The following CNTNAP5 variants were observed in gnomAD, a reference collection of about 807,000 sequenced individuals.
CNTNAP5 encodes contactin-associated protein-like 5.
In CNTNAP5, 72 loss-of-function variants were observed where a neutral mutation model predicts 150.2. The observed-to-expected ratio is 0.48, with a 90% CI of 0.40 to 0.58. The LOEUF (loss-of-function observed/expected upper bound fraction) is 0.58. Among genes scored for constraint, CNTNAP5 ranks in the 20% least tolerant of loss-of-function variants. The pLI, the probability that CNTNAP5 is intolerant of heterozygous loss-of-function variation, is 0.00. For synonymous variants in CNTNAP5, 672 were observed against 619.8 expected (o/e 1.08, Z -1.25); for missense variants, 1,636 against 1,626.2 (o/e 1.01, Z -0.10).
At chr2:124,893,446 A>G (rs1678240618) in intron 21 of CNTNAP5, among the ~76,000 whole-genome samples, 1 of 152,160 alleles carries the variant, frequency 6.6e-6, no homozygotes, top group African/African-American at 2.4e-5. Flanking sequence ...TGGTAGTTCC[A>G]TGACCTTTAA....
At chr2:124,125,579 G>C (rs1683672884) in intron 1 of CNTNAP5, among the ~76,000 whole-genome samples, 1 of 152,130 alleles carries the variant, frequency 6.6e-6, no homozygotes, top group African/African-American at 2.4e-5. Flanking sequence ...GACATCTACA[G>C]AACTCTCCAC....
intron 13 of CNTNAP5, among the ~76,000 whole-genome samples, chr2:124,679,650 C>G (rs2105067121): frequency 6.6e-6 from 1 of 151,526 alleles, no homozygotes; most frequent in African/African-American, 2.4e-5. Context: ...ATCACTGCAG[C>G]CTCCGGCTCC....
At chr2:124,411,645 A>G (rs1691767627) in intron 3 of CNTNAP5, among the ~76,000 whole-genome samples, 2 of 104,654 alleles carry the variant, frequency 1.9e-5, no homozygotes, top group Non-Finnish European at 4.0e-5. Context: ...TTATCTCAAT[A>G]GATGCAGAAA....
At chr2:124,200,876 C>T (rs1685712344) in intron 1 of CNTNAP5, among the ~76,000 whole-genome samples, 1 of 152,122 alleles carries the variant, frequency 6.6e-6, no homozygotes, top group South Asian at 2.1e-4. Flanking sequence ...TTTCCATCCC[C>T]TCTTATAGAG....
chr2:124,908,490 A>G (rs1463812272), intron 22 of CNTNAP5, among the ~76,000 whole-genome samples: 1 of 152,202 alleles, frequency 6.6e-6, no homozygotes, highest in African/African-American at 2.4e-5. Flanking sequence ...TGTAAAGATA[A>G]TGGTCTGCAT....
intron 12 of CNTNAP5, among the ~76,000 whole-genome samples, chr2:124,645,575 T>G (rs1291604301): frequency 6.6e-6 from 1 of 152,076 alleles, no homozygotes; most frequent in South Asian, 2.1e-4. Flanking sequence ...ATCTAAACAA[T>G]AAAATATAAC....
At chr2:124,653,481 TATGTC>T (rs1678364611) in intron 13 of CNTNAP5, among the ~76,000 whole-genome samples, 1 of 151,774 alleles carries the variant, frequency 6.6e-6, no homozygotes, top group Admixed American at 6.6e-5. Context: ...TAGTATATGC[TATGTC>T]ATATTTGTCC....
chr2:124,165,385 G>T (rs964473689), intron 1 of CNTNAP5, among the ~76,000 whole-genome samples: 1 of 152,168 alleles, frequency 6.6e-6, no homozygotes, highest in African/African-American at 2.4e-5. Context: ...CACAATGGAT[G>T]CAATTTAGTA....
At chr2:124,681,301 C>CAA (rs70996097) in intron 13 of CNTNAP5, among the ~76,000 whole-genome samples, 781 of 72,130 alleles carry the variant, frequency 0.011, 10 homozygotes, top group Non-Finnish European at 0.015. Context: ...GACTCCATCT[C>CAA]AAAAAAAAAA....
At chr2:124,144,630 A>C (rs1033119371) in intron 1 of CNTNAP5, among the ~76,000 whole-genome samples, 5 of 130,878 alleles carry the variant, frequency 3.8e-5, no homozygotes, top group Non-Finnish European at 6.4e-5. Flanking sequence ...TACACGTTAT[A>C]CAAAAATCAA....
intron 3 of CNTNAP5, among the ~76,000 whole-genome samples, chr2:124,357,947 T>C (rs1166231149): frequency 1.2e-4 from 18 of 150,984 alleles, no homozygotes; most frequent in Middle Eastern, 3.4e-3. Flanking sequence ...GAGCATGGAA[T>C]GTTCTTCCAT....
At chr2:124,201,482 C>A (rs1452598256) in intron 1 of CNTNAP5, among the ~76,000 whole-genome samples, 1 of 152,184 alleles carries the variant, frequency 6.6e-6, no homozygotes, top group Non-Finnish European at 1.5e-5. Flanking sequence ...ATTCTGTCAT[C>A]TTATGTCAAA....
chr2:124,419,154 A>AAAAAAAAAAAAAAAAAAAAAAAAAC (rs1266895020), intron 4 of CNTNAP5, among the ~76,000 whole-genome samples: 1 of 65,392 alleles, frequency 1.5e-5, no homozygotes, highest in Non-Finnish European at 2.7e-5. Context: ...AAAAAAAAAA[A>AAAAAAAAAAAAAAAAAAAAAAAAAC]AAAAAAAAAC....
chr2:124,631,011 T>C (rs1163255504), intron 12 of CNTNAP5, among the ~76,000 whole-genome samples: 1 of 151,924 alleles, frequency 6.6e-6, no homozygotes, highest in Non-Finnish European at 1.5e-5. Context: ...GGAATACAGC[T>C]AACAGGAGAA....
At chr2:124,397,267 A>C (rs1033242053) in intron 3 of CNTNAP5, among the ~76,000 whole-genome samples, 4 of 152,224 alleles carry the variant, frequency 2.6e-5, no homozygotes, top group Admixed American at 1.3e-4. Flanking sequence ...GACTTAAACA[A>C]CAGAAATTTA....
chr2:124,513,131 C>T (rs761133715), intron 8 of CNTNAP5, among the ~76,000 whole-genome samples: 1 of 152,160 alleles, frequency 6.6e-6, no homozygotes, highest in Non-Finnish European at 1.5e-5. Context: ...AAACAACAGA[C>T]ATATTTTCTC....
At chr2:124,529,091 A>AAGT (rs1558941329) in intron 10 of CNTNAP5, among the ~76,000 whole-genome samples, 1 of 151,688 alleles carries the variant, frequency 6.6e-6, no homozygotes, top group Non-Finnish European at 1.5e-5. Flanking sequence ...CCAGCTGAAA[A>AAGT]AGTAGTAATA....
intron 21 of CNTNAP5, among the ~76,000 whole-genome samples, chr2:124,898,489 CTT>C (rs1678353567): frequency 6.6e-6 from 1 of 151,588 alleles, no homozygotes; most frequent in South Asian, 2.1e-4. Context: ...ACACTTGACT[CTT>C]TGCTACTTTC....
At chr2:124,136,965 A>T (rs1683988306) in intron 1 of CNTNAP5, among the ~76,000 whole-genome samples, 1 of 152,162 alleles carries the variant, frequency 6.6e-6, no homozygotes, top group African/African-American at 2.4e-5. Context: ...AGACAGAACA[A>T]CCTCTAAGAA....
Sources: allele counts gnomAD v4.1 joint callset (sites outside exome capture counted in the v4.1 genomes callset), GRCh38; gene constraint gnomAD v4.1.1; transcripts MANE v1.5; gene names NCBI Gene and HGNC (gene_info 2026-07-23, HGNC 2026-07-21).